The following KCNIP1 variants were observed in gnomAD, a reference collection of about 807,000 sequenced individuals.
KCNIP1 encodes A-type potassium channel modulatory protein KCNIP1.
Under a neutral mutation model 33.0 loss-of-function variants are expected in KCNIP1, and 18 were observed. The observed-to-expected ratio is 0.55, with a 90% confidence interval of 0.38 to 0.81. The LOEUF (loss-of-function observed/expected upper bound fraction) is 0.81. Ranked by LOEUF, KCNIP1 falls within the 30% of genes least tolerant of loss-of-function variation. The pLI, the probability that KCNIP1 is intolerant of heterozygous loss-of-function variation, is 0.00. For synonymous variants in KCNIP1, 93 were observed against 98.3 expected (o/e 0.95, Z 0.32); for missense variants, 238 against 271.6 (o/e 0.88, Z 0.87).
intron 1 of KCNIP1, among the ~76,000 whole-genome samples, chr5:170,360,652 C>G (rs780593380): frequency 2.0e-5 from 3 of 152,146 alleles, no homozygotes; most frequent in Non-Finnish European, 4.4e-5. Flanking sequence ...CCCAGTCACT[C>G]TTGATGACAA....
rs533905299 is a variant in KCNIP1, at chr5:170,604,493, G to T, written c.61+99860G>T. On this transcript the variant is annotated intron_variant, in intron 1 of 7. Coordinates refer to ENST00000328939, the MANE Select transcript of KCNIP1 (RefSeq NM_014592.4). Reference sequence around the variant, plus strand: ...TTAGGATCCTTGGCCCCATCTCATTGTGCCCTTTGCTGTGGCTCATCTCAC... The same window carrying T: ...TTAGGATCCTTGGCCCCATCTCATTTTGCCCTTTGCTGTGGCTCATCTCAC... 2.0e-5 allele frequency among the ~76,000 whole-genome samples: 3 copies of T among 152,318 alleles called. No individual in the cohort carries two copies. In the East Asian group the frequency reaches 5.8e-4, roughly 29 times the overall value.
Position 170,504,768 on chromosome 5 carries a change from G to A in KCNIP1, c.61+135G>A. ...GCCCGGACAGGTGCTTGTATCCAAA[G>A]GAGAGAGAAATCGGCGGGAGGGCTG... On this transcript the variant is annotated intron_variant, in intron 1 of 7. Coordinates refer to ENST00000328939, the MANE Select transcript of KCNIP1 (RefSeq NM_014592.4). This position sits in a 1 kb window ranked among gnomAD's most constrained non-coding sequence, Gnocchi z 6.0. 2 of 750,202 alleles carry A rather than the reference G, an allele frequency of 2.7e-6. No individual in the cohort carries two copies. The highest frequency in any genetic ancestry group is 2.6e-5 in the East Asian group (1 of 38,048). The allele number at this position is 750,202 out of a possible 1,614,324, so 46.5% of individuals were successfully genotyped here.
chr5:170,659,252 G>T (rs1308010087), intron 1 of KCNIP1, among the ~76,000 whole-genome samples: 2 of 151,986 alleles, frequency 1.3e-5, no homozygotes, highest in Non-Finnish European at 2.9e-5. Context: ...ATTTTGCTTT[G>T]CTCTCTTTGT....
intron 1 of KCNIP1, among the ~76,000 whole-genome samples, chr5:170,393,073 G>A (rs1396769610): frequency 6.6e-6 from 1 of 152,136 alleles, no homozygotes; most frequent in Non-Finnish European, 1.5e-5. Context: ...TTTTCCCAAG[G>A]TCACGCCCCT....
chr5:170,486,407 AC>A (rs1757095681), intron 1 of KCNIP1: 1 of 152,254 alleles, frequency 6.6e-6, no homozygotes, highest in African/African-American at 2.4e-5. Context: ...GAAATTTCAA[AC>A]AAGGGGTTCT....
At chr5:170,449,079 G>A (rs1194394710) in intron 1 of KCNIP1, among the ~76,000 whole-genome samples, 3 of 152,204 alleles carry the variant, frequency 2.0e-5, no homozygotes, top group Non-Finnish European at 2.9e-5. Context: ...CCTTGGAAAT[G>A]AGACACTAGC....
intron 5 of KCNIP1, among the ~76,000 whole-genome samples, chr5:170,729,185 T>C (rs1240605582): frequency 6.6e-6 from 1 of 152,064 alleles, no homozygotes; most frequent in Non-Finnish European, 1.5e-5. Flanking sequence ...TGTGAATATC[T>C]GATCAAAGAA....
At chr5:170,589,763 G>GTGTGATGTGGTGTGATGTGA (rs1758147316) in intron 1 of KCNIP1, among the ~76,000 whole-genome samples, 2 of 127,384 alleles carry the variant, frequency 1.6e-5, no homozygotes, top group Non-Finnish European at 3.3e-5. Flanking sequence ...GTGTGGTGTG[G>GTGTGATGTGGTGTGATGTGA]TGTGGTGTGG....
chr5:170,574,581 T>A (rs1473325753), intron 1 of KCNIP1, among the ~76,000 whole-genome samples: 1 of 152,236 alleles, frequency 6.6e-6, no homozygotes, highest in East Asian at 1.9e-4. Context: ...TTTATTGCCT[T>A]GCATTTGTAC....
In KCNIP1 at chr5:170,570,759, G is replaced by A. The variant is rs550810372; in HGVS notation, c.61+66126G>A. On this transcript the variant is annotated intron_variant, in intron 1 of 7. Transcript: ENST00000328939. ...AGGGCTCCTCCCAGGTGGGGACACC[G>A]AACAGGAGATGCCTCCTGGGAGGAA... 5.3e-5 allele frequency among the ~76,000 whole-genome samples: 8 copies of A among 152,342 alleles called. No homozygotes were observed. The South Asian group carries it at 1.0e-3, about 20-fold the overall frequency.
chr5:170,482,548 C>T (rs1429670501), intron 1 of KCNIP1, among the ~76,000 whole-genome samples: 1 of 152,150 alleles, frequency 6.6e-6, no homozygotes, highest in Non-Finnish European at 1.5e-5. Flanking sequence ...TTCTCTAGGA[C>T]TCACAGATGA....
At chr5:170,598,890 T>TGTGTGTGTGC (rs1491473476) in intron 1 of KCNIP1, among the ~76,000 whole-genome samples, 1 of 23,908 alleles carries the variant, frequency 4.2e-5, no homozygotes, top group Non-Finnish European at 1.1e-4. Context: ...ATAGCCCCGC[T>TGTGTGTGTGC]GTGTGTGTGT....
At chr5:170,706,779 T>C (rs543109315) in intron 1 of KCNIP1, among the ~76,000 whole-genome samples, 1 of 152,312 alleles carries the variant, frequency 6.6e-6, no homozygotes, top group African/African-American at 2.4e-5. Flanking sequence ...AAAGTGCCCT[T>C]TCTCCCTGGA....
At chr5:170,446,782 A>C (rs2113056648) in intron 1 of KCNIP1, among the ~76,000 whole-genome samples, 1 of 152,236 alleles carries the variant, frequency 6.6e-6, no homozygotes, top group Non-Finnish European at 1.5e-5. Flanking sequence ...GTTCTAGGTG[A>C]GGCAGGACCT....
At chr5:170,595,587 G>A (rs538325131) in intron 1 of KCNIP1, among the ~76,000 whole-genome samples, 10 of 152,316 alleles carry the variant, frequency 6.6e-5, no homozygotes, top group East Asian at 3.9e-4. Flanking sequence ...CCTTGAGTGC[G>A]TAGGTTTCAG....
At chr5:170,682,185 T>A (rs1175050060) in intron 1 of KCNIP1, among the ~76,000 whole-genome samples, 1 of 152,104 alleles carries the variant, frequency 6.6e-6, no homozygotes, top group East Asian at 1.9e-4. Flanking sequence ...AGCCCTGGAG[T>A]AAGAGTCAAG....
chr5:170,356,397 G>T (rs1365594521), intron 1 of KCNIP1, among the ~76,000 whole-genome samples: 2 of 152,066 alleles, frequency 1.3e-5, no homozygotes, highest in African/African-American at 4.8e-5. Context: ...GGACAAGGAG[G>T]GTCCAGGATC....
intron 1 of KCNIP1, chr5:170,376,082 G>T (rs1000997185): frequency 6.7e-6 from 1 of 148,234 alleles, no homozygotes; most frequent in East Asian, 2.1e-4. Context: ...GAATAAATAA[G>T]CACCCATACA....
intron 1 of KCNIP1, among the ~76,000 whole-genome samples, chr5:170,476,163 G>A (rs1756853880): frequency 6.6e-6 from 1 of 152,064 alleles, no homozygotes; most frequent in Non-Finnish European, 1.5e-5. Flanking sequence ...TAGAGACAGT[G>A]TTTTGCCATG....
Sources: allele counts gnomAD v4.1 joint callset (sites outside exome capture counted in the v4.1 genomes callset), GRCh38; gene constraint gnomAD v4.1.1; non-coding constraint Gnocchi (gnomAD v3.1); transcripts MANE v1.5; gene names NCBI Gene and HGNC (gene_info 2026-07-23, HGNC 2026-07-21).